The following COL17A1 variants were observed in gnomAD, a reference collection of about 807,000 sequenced individuals.
COL17A1 encodes collagen type XVII alpha 1 chain, also known as collagen alpha-1(XVII) chain.
In COL17A1, 181 loss-of-function variants were observed where a neutral mutation model predicts 218.4. The observed-to-expected ratio is 0.83, with a 90% confidence interval of 0.73 to 0.94. The LOEUF (loss-of-function observed/expected upper bound fraction) is 0.94, where lower values mean the gene tolerates loss of function less well. Among genes scored for constraint, COL17A1 ranks in the 40% least tolerant of loss-of-function variants. The probability of loss-of-function intolerance (pLI) is 0.00; values close to 1 mark genes in which losing one functional copy is unlikely to be tolerated. For missense variants in COL17A1, 1,924 were observed against 1,945.9 expected, an observed-to-expected ratio of 0.99 and a Z score of 0.21; for synonymous variants, 721 against 731.0, an observed-to-expected ratio of 0.99 and a Z score of 0.22.
At position 104,035,303 on chromosome 10, in the gene COL17A1, C is replaced by T. The variant is rs1237394833; in HGVS notation, c.3579G>A (p.Trp1193Ter). The change falls in exon 50 of 56, where the codon TGG becomes TGA. Residue 1193 changes from tryptophan to a stop codon, truncating the protein, a stop_gained. Coordinates refer to ENST00000648076, the MANE Select transcript of COL17A1 (RefSeq NM_000494.4). LOFTEE classifies it high-confidence loss of function. ...AGAGGTCCTCCACGCTGATGCTGGA[C>T]CACACATTGCCTGGGATCCCTGGTG... ...PGPPGIPGNV[W>*]SSISVEDLSS... 1.2e-6 allele frequency: 2 copies of T among 1,614,188 alleles called. No individual in the cohort carries two copies. The highest frequency in any genetic ancestry group is 2.2e-5 in the East Asian group (1 of 44,886).
chr10:104,059,737 A>G lies in COL17A1; in HGVS notation c.1142-19T>C, dbSNP rs146148366. 573 of 1,610,234 alleles carry G rather than the reference A, an allele frequency of 3.6e-4. 3 individuals carry two copies. The highest frequency in any genetic ancestry group is 6.6e-4 in the Middle Eastern group (4 of 6,050). The stretch of plus-strand genomic sequence containing the variant: ...AAAGAAGCTATGTACAGAACCCATT[A>G]TAACCTGGCATATTCTCTTCTCAAC... On this transcript the variant is annotated intron_variant, in intron 14 of 55. Coordinates refer to ENST00000648076, the MANE Select transcript of COL17A1 (RefSeq NM_000494.4).
At chr10:104,044,785 G>A (rs777767103) in intron 33 of COL17A1, among the ~76,000 whole-genome samples, 1 of 152,112 alleles carries the variant, frequency 6.6e-6, no homozygotes, top group Non-Finnish European at 1.5e-5. Flanking sequence ...AAAAGGGAAG[G>A]TTTCTGTTAT....
At position 104,041,537 on chromosome 10, in the gene COL17A1, T is replaced by C; in HGVS notation, c.2553A>G (p.Glu851=). The C allele has an allele frequency of 2.5e-6, 4 of 1,612,722 alleles. No individual in the cohort carries two copies. The highest frequency in any genetic ancestry group is 3.4e-6 in the Non-Finnish European group (4 of 1,178,802). ...CTGGGGGACCTTGTAAATTAAGAAC[T>C]TCTATAGAGAGAAGAAAATAGAAAT... The part of the protein sequence containing the change: ...AGPAGLPGHQ[E]VLNLQGPPGP... The change falls in exon 37 of 56, where the codon GAA becomes GAG. Residue 851 remains glutamate (E), a splice_region_variant and synonymous_variant. Transcript: ENST00000648076.
chr10:104,073,528 A>G, intron 6 of COL17A1, among the ~76,000 whole-genome samples: 1 of 152,190 alleles, frequency 6.6e-6, no homozygotes, highest in Non-Finnish European at 1.5e-5. Context: ...TCTGTTGGGG[A>G]GCATGATCCA....
intron 2 of COL17A1, 92 bp downstream of exon 2, chr10:104,080,529 TG>T (rs1277159523): frequency 1.1e-5 from 15 of 1,406,778 alleles, no homozygotes; most frequent in Non-Finnish European, 1.4e-5. Context: ...ACAGTGGTTG[TG>T]GTAGAATTAT....
At chr10:104,059,335 A>G (rs2086560546) in intron 15 of COL17A1, 1 of 427,954 alleles carries the variant, frequency 2.3e-6, no homozygotes. Flanking sequence ...GCATTTTTCT[A>G]TTAGTTCTGA....
intron 9 of COL17A1, among the ~76,000 whole-genome samples, chr10:104,069,584 C>G (rs569096964): frequency 6.6e-6 from 1 of 152,316 alleles, no homozygotes; most frequent in South Asian, 2.1e-4. Context: ...GGACTGTCCC[C>G]TTACAAGTTA....
chr10:104,055,304 T>C (rs1413822887), intron 19 of COL17A1, 68 bp downstream of exon 19: 4 of 1,611,658 alleles, frequency 2.5e-6, no homozygotes, highest in Non-Finnish European at 3.4e-6. Context: ...AGGCTTCTAA[T>C]CTACCCAGAA....
intron 28 of COL17A1, 75 bp from the exon 29 acceptor site, chr10:104,049,546 C>T: frequency 6.7e-7 from 1 of 1,494,810 alleles, no homozygotes; most frequent in Admixed American, 1.7e-5. Context: ...TCTGCTCCCT[C>T]CTCCAAGAGG....
intron 31 of COL17A1, 47 bp downstream of exon 31, chr10:104,047,690 GCA>G (rs749107731): frequency 9.6e-6 from 14 of 1,461,368 alleles, no homozygotes; most frequent in South Asian, 2.3e-5. Flanking sequence ...CACACACAAA[GCA>G]CACACACACT....
Position 104,034,740 on chromosome 10 carries a change from G to A in COL17A1, c.3647C>T (p.Pro1216Leu), listed in dbSNP as rs1275694584. Reference sequence around the variant, plus strand: ...CCCTGGGGGACCAGGAGGTCCTGGAGGGCCTGGGATGAATGACAAGCCGGC... The same window carrying A: ...CCCTGGGGGACCAGGAGGTCCTGGAAGGCCTGGGATGAATGACAAGCCGGC... ...HTAGLSFIPG[P>L]PGPPGPPGPR... The change falls in exon 51 of 56, where the codon CCT becomes CTT. Residue 1216 changes from proline (P) to leucine (L), a missense_variant. Pro to Leu is a moderately conservative substitution (Grantham distance 98). Transcript: ENST00000648076. 2 of 1,612,490 alleles carry A rather than the reference G, an allele frequency of 1.2e-6. No homozygotes were observed. Among genetic ancestry groups the A allele is most frequent in the Non-Finnish European group, 1.7e-6 (2 of 1,179,662 alleles).
Position 104,080,983 on chromosome 10 carries a change from T to A in COL17A1, c.-11-299A>T, listed in dbSNP as rs183494448. Among the ~76,000 whole-genome samples, 8 of 152,352 alleles carry A rather than the reference T, an allele frequency of 5.3e-5. No homozygotes were observed. In the East Asian group the frequency reaches 1.2e-3, roughly 22 times the overall value. ...GGCTTACATAGCAGATCAGGTGTCC[T>A]GACCTTTGTTTGACTATAAAACCTC... On this transcript the variant is annotated intron_variant, in intron 1 of 55. Transcript: ENST00000648076.
In COL17A1 at chr10:104,060,257, C is replaced by A; in HGVS notation, c.1003G>T (p.Asp335Tyr). 6.2e-7 allele frequency: 1 copy of A among 1,614,040 alleles called. No homozygotes were observed. Among genetic ancestry groups the A allele is most frequent in the East Asian group, 2.2e-5 (1 of 44,878 alleles). ...SAACTTSVQS[D>Y]DLLHKDCKFL... ...TTGCAGTCCTTGTGCAAAAGGTCAT[C>A]GCTCTGCACACTTGTGGTGCAGGCT... The change falls in exon 14 of 56, where the codon GAT (aspartate) becomes TAT (tyrosine). Residue 335 changes from aspartate to tyrosine, a missense_variant. Coordinates refer to ENST00000648076, the MANE Select transcript of COL17A1 (RefSeq NM_000494.4).
intron 11 of COL17A1, 60 bp from the exon 12 acceptor site, chr10:104,062,389 G>A (rs2086590672): frequency 4.3e-6 from 7 of 1,612,234 alleles, no homozygotes; most frequent in Non-Finnish European, 5.1e-6. Flanking sequence ...CCCTGGCTTA[G>A]GACGGCCCCC....
At position 104,045,917 on chromosome 10, in the gene COL17A1, C is replaced by G. The variant is rs115774586; in HGVS notation, c.2363-124G>C. On this transcript the variant is annotated intron_variant, in intron 32 of 55. Transcript: ENST00000648076. Reference sequence around the variant, plus strand: ...TGCTGACTGAAACCCTGGGACGCACCAGCTTTGCCTTCCGCCTTAGTCTAG... The same window carrying G: ...TGCTGACTGAAACCCTGGGACGCACGAGCTTTGCCTTCCGCCTTAGTCTAG... 1.2e-3 allele frequency: 1,005 copies of G among 830,748 alleles called. 13 individuals carry two copies. In the African/African-American group the frequency reaches 0.014, roughly 12 times the overall value. 51.5% of individuals were successfully genotyped at this position (830,748 alleles called of 1,614,324 possible). A position where few individuals can be genotyped will look rare whatever the true frequency, so the allele number is the denominator to read the frequency against.
intron 20 of COL17A1, 152 bp from the exon 21 acceptor site, chr10:104,054,270 A>G (rs2086498163): frequency 1.3e-6 from 1 of 769,130 alleles, no homozygotes; most frequent in African/African-American, 1.7e-5. Flanking sequence ...TAAACAACAC[A>G]TAGTTTTAGT....
chr10:104,054,500 G>C lies in COL17A1; in HGVS notation c.1745-382C>G, dbSNP rs539229071. Among the ~76,000 whole-genome samples the C allele has an allele frequency of 2.2e-4, 33 of 152,208 alleles. No individual in the cohort carries two copies. The South Asian group carries it at 6.9e-3, about 32-fold the overall frequency. ...CAATGACCCAGGTATATGCGAGGGTGTGGGTGGCAAGGATCTGAAGGGAAA... is the reference window on the plus strand; with the variant it reads ...CAATGACCCAGGTATATGCGAGGGTCTGGGTGGCAAGGATCTGAAGGGAAA... On this transcript the variant is annotated intron_variant, in intron 20 of 55. Coordinates refer to ENST00000648076, the MANE Select transcript of COL17A1 (RefSeq NM_000494.4).
At chr10:104,074,375 CA>C (rs985213065) in intron 5 of COL17A1, 144 bp from the exon 6 acceptor site, 1 of 1,201,024 alleles carries the variant, frequency 8.3e-7, no homozygotes, top group Non-Finnish European at 1.2e-6. Flanking sequence ...CTTCAGCATG[CA>C]TGTCAAAGGA....
At chr10:104,074,782 C>G (rs547305289) in intron 5 of COL17A1, among the ~76,000 whole-genome samples, 1 of 152,234 alleles carries the variant, frequency 6.6e-6, no homozygotes, top group Non-Finnish European at 1.5e-5. Flanking sequence ...GTCTGCTGTG[C>G]GTGTGGGATG....
Sources: gnomAD v4.1 joint callset for allele counts (sites outside exome capture counted in the v4.1 genomes callset) on GRCh38, gnomAD v4.1.1 for gene constraint, MANE v1.5 for transcripts, NCBI Gene and HGNC (gene_info 2026-07-23, HGNC 2026-07-21) for gene names.